Variants in PALM2AKAP2 observed in about 807,000 individuals in gnomAD.
PALM2AKAP2 encodes the protein PALM2-AKAP2 fusion protein.
A neutral mutation model predicts 71.5 loss-of-function variants in PALM2AKAP2; 37 were observed. The observed-to-expected ratio is 0.52, with a 90% CI of 0.40 to 0.68. PALM2AKAP2 has a LOEUF of 0.68. PALM2AKAP2 is among the 30% of genes least tolerant of loss of function. The pLI, the probability that PALM2AKAP2 is intolerant of heterozygous loss-of-function variation, is 0.00. For missense variants in PALM2AKAP2, 1,224 were observed against 1,191.8 expected, an observed-to-expected ratio of 1.03 and a Z score of -0.40; for synonymous variants, 468 against 478.8, an observed-to-expected ratio of 0.98 and a Z score of 0.29.
chr9:109,666,200 C>T (rs1827482332), intron 1 of PALM2AKAP2, among the ~76,000 whole-genome samples: 1 of 152,166 alleles, frequency 6.6e-6, no homozygotes, highest in African/African-American at 2.4e-5. Flanking sequence ...TGCATCCACT[C>T]TCCAACCAGC....
At position 109,965,669 on chromosome 9, in the gene PALM2AKAP2, A is replaced by G. The variant is rs571852981; in HGVS notation, c.496+33641A>G. ...AAATGGCTGGCGGTGATGGTTGCAC[A>G]ACAGTGTGAATGTACTTAATGCTAT... On this transcript the variant is annotated intron_variant, in intron 6 of 9. Transcript: ENST00000302798. 2.6e-5 allele frequency among the ~76,000 whole-genome samples: 4 copies of G among 152,348 alleles called. 1 individual carries two copies. The highest frequency in any genetic ancestry group is 9.6e-5 in the African/African-American group (4 of 41,588).
chr9:110,147,102 T>G (rs1378703468), intron 2 of PALM2AKAP2, among the ~76,000 whole-genome samples: 1 of 151,826 alleles, frequency 6.6e-6, no homozygotes, highest in Non-Finnish European at 1.5e-5. Flanking sequence ...AATATAAAAA[T>G]GAGCCAGGCG....
At chr9:109,938,579 A>G (rs942003990) in intron 6 of PALM2AKAP2, among the ~76,000 whole-genome samples, 13 of 152,182 alleles carry the variant, frequency 8.5e-5, no homozygotes, top group African/African-American at 3.1e-4. Flanking sequence ...ATAGTGTACA[A>G]CATGTAAATA....
intron 1 of PALM2AKAP2, among the ~76,000 whole-genome samples, chr9:109,792,999 G>T (rs1200192351): frequency 6.6e-6 from 1 of 152,026 alleles, no homozygotes; most frequent in Non-Finnish European, 1.5e-5. Context: ...TTCACCAAAG[G>T]GTGAAAATAC....
At chr9:110,107,375 A>G (rs1835143211) in intron 1 of PALM2AKAP2, among the ~76,000 whole-genome samples, 1 of 152,210 alleles carries the variant, frequency 6.6e-6, no homozygotes. Context: ...AGTAATATAT[A>G]ATAAGTAAAT....
chr9:109,833,325 A>T (rs1325148799), intron 1 of PALM2AKAP2, among the ~76,000 whole-genome samples: 1 of 152,228 alleles, frequency 6.6e-6, no homozygotes, highest in Non-Finnish European at 1.5e-5. Context: ...ACTGCACTCC[A>T]GCCTGGGCGA....
intron 1 of PALM2AKAP2, among the ~76,000 whole-genome samples, chr9:109,763,733 G>A (rs1338757490): frequency 6.6e-6 from 1 of 152,064 alleles, no homozygotes; most frequent in Non-Finnish European, 1.5e-5. Context: ...CTAGCTTCTG[G>A]CAGCTGCTGG....
At chr9:109,918,879 C>G (rs1389617108) in intron 3 of PALM2AKAP2, among the ~76,000 whole-genome samples, 2 of 152,224 alleles carry the variant, frequency 1.3e-5, no homozygotes, top group African/African-American at 2.4e-5. Flanking sequence ...ACAAAGGTTT[C>G]ATTTCGTTCC....
intron 1 of PALM2AKAP2, among the ~76,000 whole-genome samples, chr9:109,822,734 C>G (rs1587935580): frequency 6.6e-6 from 1 of 152,126 alleles, no homozygotes. Context: ...GTGTTGTATT[C>G]CACGGTGTAT....
At position 109,883,586 on chromosome 9, in the gene PALM2AKAP2, G is replaced by C. The variant is rs188770574; in HGVS notation, c.257+2905G>C. 2.0e-5 allele frequency among the ~76,000 whole-genome samples: 3 copies of C among 152,278 alleles called. No individual in the cohort carries two copies. In the East Asian group the frequency reaches 5.8e-4, roughly 29 times the overall value. On this transcript the variant is annotated intron_variant, in intron 3 of 9. Coordinates refer to the PALM2AKAP2 transcript ENST00000302798. ...ATCTTCTCTACCACAATGGTTATTA[G>C]TGTCTTTAATCTTCAATCCCATGGG...
At chr9:109,653,695 G>A (rs1587855105) in intron 1 of PALM2AKAP2, among the ~76,000 whole-genome samples, 1 of 152,178 alleles carries the variant, frequency 6.6e-6, no homozygotes, top group East Asian at 1.9e-4. Flanking sequence ...AGCTTCCCAG[G>A]AGGTGATGCT....
intron 1 of PALM2AKAP2, among the ~76,000 whole-genome samples, chr9:110,064,064 C>G (rs761174557): frequency 1.3e-5 from 2 of 152,178 alleles, no homozygotes; most frequent in African/African-American, 2.4e-5. Context: ...CAAAGTGAAA[C>G]ACCCAGGGGT....
intron 1 of PALM2AKAP2, among the ~76,000 whole-genome samples, chr9:110,111,869 C>T (rs930549732): frequency 1.3e-5 from 2 of 152,152 alleles, no homozygotes; most frequent in African/African-American, 2.4e-5. Context: ...ATGTTTGTTG[C>T]TTGTGTTCCT....
At chr9:109,811,880 AT>A (rs1827736326) in intron 1 of PALM2AKAP2, among the ~76,000 whole-genome samples, 1 of 152,198 alleles carries the variant, frequency 6.6e-6, no homozygotes, top group Non-Finnish European at 1.5e-5. Flanking sequence ...GGTATATTGT[AT>A]TTTCTTAAAG....
intron 1 of PALM2AKAP2, among the ~76,000 whole-genome samples, chr9:110,109,236 G>T (rs1013732578): frequency 1.4e-5 from 2 of 144,378 alleles, no homozygotes; most frequent in Non-Finnish European, 1.5e-5. Flanking sequence ...AGAATTGCTT[G>T]AACCCGGGAA....
intron 7 of PALM2AKAP2, among the ~76,000 whole-genome samples, chr9:110,028,840 G>T (rs947066142): frequency 7.3e-5 from 11 of 151,688 alleles, no homozygotes; most frequent in African/African-American, 2.7e-4. Flanking sequence ...TATTTGCCAA[G>T]TCCAGTGGCC....
At chr9:109,688,426 C>G (rs893847526) in intron 1 of PALM2AKAP2, among the ~76,000 whole-genome samples, 2 of 152,220 alleles carry the variant, frequency 1.3e-5, no homozygotes, top group South Asian at 2.1e-4. Flanking sequence ...GCATTCAGAG[C>G]CTTGCTCTAT....
At chr9:109,861,832 A>C (rs780487163) in intron 1 of PALM2AKAP2, among the ~76,000 whole-genome samples, 3 of 152,202 alleles carry the variant, frequency 2.0e-5, no homozygotes, top group Admixed American at 1.3e-4. Context: ...CTGATGGCCA[A>C]TGTGTTTTTA....
intron 3 of PALM2AKAP2, among the ~76,000 whole-genome samples, chr9:109,922,698 C>A (rs1830862878): frequency 6.6e-6 from 1 of 152,140 alleles, no homozygotes; most frequent in Non-Finnish European, 1.5e-5. Context: ...CATATCAGTG[C>A]CATCCTACTC....
Sources: allele counts gnomAD v4.1 joint callset (sites outside exome capture counted in the v4.1 genomes callset), GRCh38; gene constraint gnomAD v4.1.1; transcripts MANE v1.5; gene names NCBI Gene and HGNC (gene_info 2026-07-23, HGNC 2026-07-21).